The following ZFHX3 variants were observed in gnomAD, a reference collection of about 807,000 sequenced individuals.
ZFHX3 encodes the protein zinc finger homeobox protein 3.
A neutral mutation model predicts 279.1 loss-of-function variants in ZFHX3; 42 were observed. That is an observed-to-expected ratio of 0.15 (90% CI 0.12 to 0.19). The LOEUF (loss-of-function observed/expected upper bound fraction) is 0.19, where lower values mean the gene tolerates loss of function less well. Among genes scored for constraint, ZFHX3 ranks in the 10% least tolerant of loss-of-function variants. The pLI, the probability that ZFHX3 is intolerant of heterozygous loss-of-function variation, is 1.00. For missense variants in ZFHX3, 4,981 were observed against 4,754.0 expected (o/e 1.05, Z -1.40); for synonymous variants, 2,293 against 1,957.8 (o/e 1.17, Z -4.52).
chr16:73,005,277 T>G (rs769179570), intron 1 of ZFHX3, among the ~76,000 whole-genome samples: 65 of 149,094 alleles, frequency 4.4e-4, no homozygotes, highest in Non-Finnish European at 6.7e-4. Context: ...GGGAAGATAA[T>G]GAGGCCATGA....
chr16:73,790,614 G>A (rs1567411565), intron 1 of ZFHX3, among the ~76,000 whole-genome samples: 1 of 152,164 alleles, frequency 6.6e-6, no homozygotes, highest in Non-Finnish European at 1.5e-5. Flanking sequence ...TGCTTTCTGT[G>A]GCATCACTTT....
chr16:73,553,470 T>A (rs554773273), intron 2 of ZFHX3, among the ~76,000 whole-genome samples: 1 of 152,100 alleles, frequency 6.6e-6, no homozygotes, highest in African/African-American at 2.4e-5. Context: ...CCCTTCTCCA[T>A]CTAAAAGGTG....
At chr16:73,185,729 A>T (rs1287868124) in intron 5 of ZFHX3, among the ~76,000 whole-genome samples, 1 of 152,186 alleles carries the variant, frequency 6.6e-6, no homozygotes, top group East Asian at 1.9e-4. Context: ...GTGAATAATG[A>T]CACGAGATGA....
intron 5 of ZFHX3, among the ~76,000 whole-genome samples, chr16:73,211,904 C>T (rs1445411478): frequency 6.6e-6 from 1 of 151,818 alleles, no homozygotes; most frequent in Non-Finnish European, 1.5e-5. Context: ...CAGCGCAGTT[C>T]TATTTGATCT....
chr16:72,859,833 G>A (rs1187667865), intron 4 of ZFHX3, among the ~76,000 whole-genome samples: 1 of 152,118 alleles, frequency 6.6e-6, no homozygotes, highest in African/African-American at 2.4e-5. Flanking sequence ...GCCACTCCGT[G>A]TTCATATTTC....
intron 5 of ZFHX3, among the ~76,000 whole-genome samples, chr16:72,818,797 C>T (rs764659656): frequency 2.1e-4 from 32 of 152,300 alleles, no homozygotes; most frequent in Non-Finnish European, 4.0e-4. Flanking sequence ...CAAGCTATCT[C>T]GCTCCCGTAT....
intron 5 of ZFHX3, among the ~76,000 whole-genome samples, chr16:73,165,313 G>A (rs542462110): frequency 1.7e-4 from 26 of 152,258 alleles, no homozygotes; most frequent in Non-Finnish European, 2.9e-4. Flanking sequence ...AGGCTCAAGC[G>A]CAGAAAATGT....
chr16:73,635,890 T>A (rs2052523124), intron 2 of ZFHX3, among the ~76,000 whole-genome samples: 1 of 152,246 alleles, frequency 6.6e-6, no homozygotes, highest in African/African-American at 2.4e-5. Context: ...CATCTCTGTT[T>A]TCTGGATATG....
intron 4 of ZFHX3, among the ~76,000 whole-genome samples, chr16:72,854,720 T>G (rs1302857534): frequency 6.6e-6 from 1 of 151,918 alleles, no homozygotes; most frequent in Non-Finnish European, 1.5e-5. Flanking sequence ...ATTAAATCCT[T>G]GAAAAACTGA....
chr16:73,142,423 G>C (rs921754288), intron 6 of ZFHX3, among the ~76,000 whole-genome samples: 2 of 152,204 alleles, frequency 1.3e-5, no homozygotes, highest in African/African-American at 4.8e-5. Context: ...TGTTACCTTT[G>C]AAATACAATC....
At chr16:73,640,244 T>C (rs755934874) in intron 2 of ZFHX3, among the ~76,000 whole-genome samples, 5 of 152,074 alleles carry the variant, frequency 3.3e-5, no homozygotes, top group Non-Finnish European at 5.9e-5. Flanking sequence ...AACTCAACAG[T>C]ATCCAAAAAG....
chr16:72,881,986 A>G (rs1330503721), intron 4 of ZFHX3, among the ~76,000 whole-genome samples: 2 of 152,234 alleles, frequency 1.3e-5, no homozygotes, highest in East Asian at 3.9e-4. Context: ...TTGGTATGAC[A>G]TGATGTCCTG....
chr16:73,700,189 C>T (rs1233348212), intron 1 of ZFHX3, among the ~76,000 whole-genome samples: 4 of 152,100 alleles, frequency 2.6e-5, no homozygotes. Context: ...GCCACACACT[C>T]CAACCTGGGA....
chr16:73,070,714 C>T (rs1236517633), intron 8 of ZFHX3, among the ~76,000 whole-genome samples: 2 of 147,868 alleles, frequency 1.4e-5, no homozygotes, highest in African/African-American at 4.9e-5. Flanking sequence ...ATCATTGTCT[C>T]TCTCTCTCTC....
At chr16:73,668,611 C>T (rs1001187061) in intron 2 of ZFHX3, among the ~76,000 whole-genome samples, 2 of 150,828 alleles carry the variant, frequency 1.3e-5, no homozygotes, top group Non-Finnish European at 2.9e-5. Context: ...CAGCATCATC[C>T]ATGTCCCTCC....
intron 2 of ZFHX3, among the ~76,000 whole-genome samples, chr16:73,658,657 G>A (rs913388938): frequency 3.3e-5 from 5 of 152,234 alleles, no homozygotes; most frequent in South Asian, 2.1e-4. Flanking sequence ...ACCCAACTGC[G>A]TAACTCCAAA....
Position 72,788,436 on chromosome 16 carries a change from C to T in ZFHX3, c.9840G>A (p.Glu3280=). ...GCAGCTGTGCAGGGTCTACCGCATACTCCATGGTGGGCAGCGGGGCTGAGA... is the reference window on the plus strand; with the variant it reads ...GCAGCTGTGCAGGGTCTACCGCATATTCCATGGTGGGCAGCGGGGCTGAGA... The part of the protein sequence containing the change: ...ATISAPLPTM[E]YAVDPAQLQA... Residue 3280 remains glutamate, a synonymous_variant, in exon 10 of 10, where the codon GAG becomes GAA. Coordinates refer to ENST00000268489, the MANE Select transcript of ZFHX3 (RefSeq NM_006885.4). The T allele has an allele frequency of 1.9e-6, 3 of 1,614,240 alleles. No individual in the cohort carries two copies. Among genetic ancestry groups the T allele is most frequent in the Non-Finnish European group, 2.5e-6 (3 of 1,180,046 alleles).
chr16:73,291,313 C>A (rs2014763357), intron 4 of ZFHX3, among the ~76,000 whole-genome samples: 1 of 152,116 alleles, frequency 6.6e-6, no homozygotes, highest in African/African-American at 2.4e-5. Context: ...TGGCCATCAT[C>A]AAAGGGAAGG....
At chr16:73,234,633 T>C (rs189778167) in intron 5 of ZFHX3, among the ~76,000 whole-genome samples, 107 of 152,336 alleles carry the variant, frequency 7.0e-4, no homozygotes, top group Non-Finnish European at 1.4e-3. Flanking sequence ...AATGATTTGC[T>C]TGGGAATATT....
Sources: allele counts gnomAD v4.1 joint callset (sites outside exome capture counted in the v4.1 genomes callset), GRCh38; gene constraint gnomAD v4.1.1; transcripts MANE v1.5; gene names NCBI Gene and HGNC (gene_info 2026-07-23, HGNC 2026-07-21).